MRPL42: variants seen among roughly 807,000 people sequenced by gnomAD.
MRPL42 encodes the protein mitochondrial ribosomal protein L42.
Under a neutral mutation model 17.9 loss-of-function variants are expected in MRPL42, and 17 were observed. The observed-to-expected ratio is 0.95, with a 90% CI of 0.65 to 1.42. The LOEUF is 1.42. Among genes scored for constraint, MRPL42 ranks in the 40% most tolerant of loss-of-function variants. MRPL42 has a pLI of 0.00. For missense variants in MRPL42, 177 were observed against 175.2 expected, an observed-to-expected ratio of 1.01 and a Z score of -0.06; for synonymous variants, 59 against 54.4, an observed-to-expected ratio of 1.08 and a Z score of -0.37.
At chr12:93,475,297 A>G (rs1020517900) in intron 2 of MRPL42, among the ~76,000 whole-genome samples, 32 of 151,658 alleles carry the variant, frequency 2.1e-4, no homozygotes, top group African/African-American at 7.5e-4. Context: ...TGTATTTTTA[A>G]TAGAGAGGGG....
rs980202077 is a variant in MRPL42 at position 93,503,803 on chromosome 12, AG to A, written c.*2584del. 2 of 151,938 alleles carry A rather than the reference AG, an allele frequency of 1.3e-5. No homozygotes were observed. The highest frequency in any genetic ancestry group is 2.9e-5 in the Non-Finnish European group (2 of 67,996). The allele number at this position is 151,938 out of a possible 1,614,324, so 9.4% of individuals were successfully genotyped here. On this transcript the variant is annotated 3_prime_UTR_variant, in exon 6 of 6. Coordinates refer to ENST00000549982, the MANE Select transcript of MRPL42 (RefSeq NM_014050.4). ...TTTTGTAATGCTTTTTTCACTTAATAGGAATTTTTTCCGTATCATTAAGTAC... is the reference window on the plus strand; with the variant it reads ...TTTTGTAATGCTTTTTTCACTTAATAGAATTTTTTCCGTATCATTAAGTAC...
chr12:93,475,168 G>T (rs1880103792), intron 2 of MRPL42, among the ~76,000 whole-genome samples: 1 of 151,952 alleles, frequency 6.6e-6, no homozygotes, highest in South Asian at 2.1e-4. Flanking sequence ...AGGCTGGAGT[G>T]CAATGGCACG....
At position 93,502,415 on chromosome 12, in the gene MRPL42, A is replaced by G. The variant is rs1048968068; in HGVS notation, c.*1194A>G. The G allele has an allele frequency of 6.6e-6, 1 of 152,180 alleles. No homozygotes were observed. Among genetic ancestry groups the G allele is most frequent in the Non-Finnish European group, 1.5e-5 (1 of 68,026 alleles). The allele number at this position is 152,180 out of a possible 1,614,324, so 9.4% of individuals were successfully genotyped here. A position where few individuals can be genotyped will look rare whatever the true frequency, so the allele number is the denominator to read the frequency against. On this transcript the variant is annotated 3_prime_UTR_variant, in exon 6 of 6. Coordinates refer to ENST00000549982, the MANE Select transcript of MRPL42 (RefSeq NM_014050.4). The stretch of plus-strand genomic sequence containing the variant: ...ATTTGTACTGTAGAATGTTTGTGAT[A>G]CAGTATTTGTAAAATTGATATGAAA...
intron 2 of MRPL42, among the ~76,000 whole-genome samples, chr12:93,473,730 CTA>C (rs1160340040): frequency 1.3e-5 from 2 of 151,462 alleles, no homozygotes; most frequent in African/African-American, 4.9e-5. Context: ...TACGCTTGGC[CTA>C]TGTTTTGTAT....
rs1247416572 is a variant in MRPL42, at chr12:93,508,284, A to AGGGTG, written c.*7070_*7074dup. 1 of 49,556 alleles carries AGGGTG rather than the reference A, an allele frequency of 2.0e-5. No individual in the cohort carries two copies. The highest frequency in any genetic ancestry group is 8.2e-5 in the African/African-American group (1 of 12,176). The allele number at this position is 49,556 out of a possible 1,614,324, so 3.1% of individuals were successfully genotyped here. On this transcript the variant is annotated 3_prime_UTR_variant, in exon 6 of 6. Transcript: ENST00000549982. ...TTTAAAAAATTAGCTGGGGGTGGGGAGGGTGGGGTGGTGCTGCATGCCTGT... is the reference window on the plus strand; with the variant it reads ...TTTAAAAAATTAGCTGGGGGTGGGGAGGGTGGGGTGGGGTGGTGCTGCATGCCTGT...
intron 4 of MRPL42, among the ~76,000 whole-genome samples, chr12:93,485,453 T>G (rs1880699133): frequency 6.6e-6 from 1 of 152,030 alleles, no homozygotes; most frequent in South Asian, 2.1e-4. Flanking sequence ...ACATTGCCTT[T>G]TAAAGAGGTC....
rs116890596 is a variant in MRPL42 at position 93,497,197 on chromosome 12, C to T, written c.384-3979C>T. Among the ~76,000 whole-genome samples, 76 of 152,116 alleles carry T rather than the reference C, an allele frequency of 5.0e-4. No homozygotes were observed. In the East Asian group the frequency reaches 0.014, roughly 28 times the overall value. On this transcript the variant is annotated intron_variant, in intron 5 of 5. Coordinates refer to ENST00000549982, the MANE Select transcript of MRPL42 (RefSeq NM_014050.4). ...TCCCCCAACAACAACAACAAAAAAT[C>T]GAGGAGGAAGGACTCCTCCCCAACT...
intron 2 of MRPL42, among the ~76,000 whole-genome samples, chr12:93,475,621 T>A (rs1016327269): frequency 5.3e-5 from 8 of 152,194 alleles, no homozygotes; most frequent in African/African-American, 1.9e-4. Context: ...GAGCTACTTT[T>A]AAATTTTTTT....
chr12:93,487,921 C>T lies in MRPL42; in HGVS notation c.383+261C>T, dbSNP rs12320103. 3.6e-3 allele frequency: 1,172 copies of T among 321,908 alleles called. 13 individuals are homozygous for T. The highest frequency in any genetic ancestry group is 0.022 in the African/African-American group (1,003 of 46,228). 19.9% of individuals were successfully genotyped at this position (321,908 alleles called of 1,614,324 possible). On this transcript the variant is annotated intron_variant, in intron 5 of 5. Coordinates refer to ENST00000549982, the MANE Select transcript of MRPL42 (RefSeq NM_014050.4). ...AAGTGATCTTCGCACTTTAGCCTTC[C>T]GAGTAGCTAGTACTACAGGCATGTG...
At chr12:93,470,622 A>ATCCC (rs1224092545) in intron 2 of MRPL42, 1 of 1,127,572 alleles carries the variant, frequency 8.9e-7, no homozygotes, top group Non-Finnish European at 1.1e-6. Flanking sequence ...CCATCCCTCC[A>ATCCC]TTCTGTTTTG....
Position 93,509,752 on chromosome 12 carries a change from TA to T in MRPL42, c.*8532del, listed in dbSNP as rs1282831965. ...CCACTGCACTGCAGCCTGGGCAACA[TA>T]GTGAGATCCTCATCTCCTGAAAAAA... On this transcript the variant is annotated 3_prime_UTR_variant, in exon 6 of 6. Transcript: ENST00000549982. 2 of 150,650 alleles carry T rather than the reference TA, an allele frequency of 1.3e-5. No homozygotes were observed. The highest frequency in any genetic ancestry group is 2.9e-5 in the Non-Finnish European group (2 of 67,914). The allele number at this position is 150,650 out of a possible 1,614,324, so 9.3% of individuals were successfully genotyped here. A position where few individuals can be genotyped will look rare whatever the true frequency, so the allele number is the denominator to read the frequency against.
chr12:93,481,054 T>C (rs554184394), intron 4 of MRPL42, among the ~76,000 whole-genome samples: 1 of 152,302 alleles, frequency 6.6e-6, no homozygotes, highest in African/African-American at 2.4e-5. Context: ...TTGTTAAATA[T>C]CTTCGGTTTA....
intron 4 of MRPL42, among the ~76,000 whole-genome samples, chr12:93,481,214 G>A (rs995732129): frequency 2.0e-5 from 3 of 152,014 alleles, no homozygotes; most frequent in African/African-American, 7.2e-5. Flanking sequence ...ACTACCCTTG[G>A]CAAAATCTCT....
chr12:93,490,117 C>G (rs975941101), intron 5 of MRPL42, among the ~76,000 whole-genome samples: 2 of 152,150 alleles, frequency 1.3e-5, no homozygotes, highest in African/African-American at 4.8e-5. Context: ...CCTGCATGTT[C>G]CATATTGCTA....
intron 2 of MRPL42, among the ~76,000 whole-genome samples, chr12:93,469,773 A>G (rs1370173338): frequency 1.3e-5 from 2 of 152,176 alleles, no homozygotes; most frequent in African/African-American, 4.8e-5. Context: ...ATATATATCT[A>G]TCATATGATC....
chr12:93,475,870 A>G (rs934645377), intron 2 of MRPL42, among the ~76,000 whole-genome samples: 2 of 151,900 alleles, frequency 1.3e-5, no homozygotes, highest in Admixed American at 6.6e-5. Context: ...AGTCCCAGCT[A>G]CTTGGGAGGC....
chr12:93,499,459 T>A (rs537525160), intron 5 of MRPL42, among the ~76,000 whole-genome samples: 1 of 152,312 alleles, frequency 6.6e-6, no homozygotes, highest in East Asian at 1.9e-4. Context: ...TCAAAATTTT[T>A]ACAAATAATT....
At chr12:93,472,650 A>G (rs2121167094) in intron 2 of MRPL42, among the ~76,000 whole-genome samples, 1 of 152,344 alleles carries the variant, frequency 6.6e-6, no homozygotes, top group Non-Finnish European at 1.5e-5. Flanking sequence ...AGGGAAGGAC[A>G]GTAAGATTGG....
chr12:93,497,220 A>G (rs951692927), intron 5 of MRPL42, among the ~76,000 whole-genome samples: 2 of 152,132 alleles, frequency 1.3e-5, no homozygotes, highest in African/African-American at 2.4e-5. Flanking sequence ...CTCCTCCCCA[A>G]CTCATTCTAC....
Sources: gnomAD v4.1 joint callset for allele counts (sites outside exome capture counted in the v4.1 genomes callset) on GRCh38, gnomAD v4.1.1 for gene constraint, MANE v1.5 for transcripts, NCBI Gene and HGNC (gene_info 2026-07-23, HGNC 2026-07-21) for gene names.